The following BTBD8 variants were observed in gnomAD, a reference collection of about 807,000 sequenced individuals.
BTBD8 encodes BTB domain containing 8, also known as BTB/POZ domain-containing protein 8.
In BTBD8, 110 loss-of-function variants were observed where a neutral mutation model predicts 162.9. The observed-to-expected ratio is 0.68, with a 90% CI of 0.58 to 0.79. The LOEUF (loss-of-function observed/expected upper bound fraction) is 0.79, where lower values mean the gene tolerates loss of function less well. BTBD8 is among the 30% of genes least tolerant of loss of function. BTBD8 has a pLI of 0.00. For missense variants in BTBD8, 1,905 were observed against 2,085.4 expected, an observed-to-expected ratio of 0.91 and a Z score of 1.68; for synonymous variants, 667 against 716.1, an observed-to-expected ratio of 0.93 and a Z score of 1.10.
Position 92,129,671 on chromosome 1 carries a change from C to T in BTBD8, c.663-16C>T, listed in dbSNP as rs539315575. 64 of 1,594,010 alleles carry T rather than the reference C, an allele frequency of 4.0e-5. No individual in the cohort carries two copies. The South Asian group carries it at 6.6e-4, about 16-fold the overall frequency. On this transcript the variant is annotated splice_polypyrimidine_tract_variant and intron_variant, in intron 4 of 17. Coordinates refer to ENST00000636805, the MANE Select transcript of BTBD8 (RefSeq NM_001376131.1). ...TGTAAATGTTTACCTGTGTTTCTCC[C>T]CCCTCTTCCCTTTAGGGCCATTTTG... is the stretch of plus-strand genomic sequence containing the variant.
intron 1 of BTBD8, among the ~76,000 whole-genome samples, chr1:92,081,692 A>G (rs1272771209): frequency 3.9e-5 from 6 of 152,070 alleles, no homozygotes; most frequent in Non-Finnish European, 4.4e-5. Context: ...TCCTGCCTCA[A>G]CCTCCCGAGT....
intron 13 of BTBD8, 77 bp from the exon 14 acceptor site, chr1:92,176,752 C>T (rs1041575500): frequency 2.3e-5 from 16 of 703,400 alleles, no homozygotes; most frequent in Non-Finnish European, 3.4e-5. Flanking sequence ...CTTTGAAAGA[C>T]TGGCTTTTGG....
At chr1:92,161,824 TG>T (rs1213614951) in intron 9 of BTBD8, among the ~76,000 whole-genome samples, 1 of 152,252 alleles carries the variant, frequency 6.6e-6, no homozygotes, top group Non-Finnish European at 1.5e-5. Flanking sequence ...AATAAAAAGA[TG>T]TTTTTTGTTT....
rs920084696 is a variant in BTBD8, at chr1:92,129,756, A to T, written c.732A>T (p.Gln244His). Residue 244 changes from glutamine (Q) to histidine (H), a missense_variant, in exon 5 of 18, where the codon CAA becomes CAT. Coordinates refer to ENST00000636805, the MANE Select transcript of BTBD8 (RefSeq NM_001376131.1). The part of the protein sequence containing the change: ...MLSGCWAESS[Q>H]EYVTLQGISH... ...GTGGCTGTTGGGCTGAAAGCTCCCA[A>T]GAGTACGTTACTCTTCAAGGGTAAG... 6.2e-7 allele frequency: 1 copy of T among 1,613,836 alleles called. No individual in the cohort carries two copies. Among genetic ancestry groups the T allele is most frequent in the Non-Finnish European group, 8.5e-7 (1 of 1,179,838 alleles).
rs1462209977 is a variant in BTBD8 at position 92,180,711 on chromosome 1, C to T, written c.3028C>T (p.Pro1010Ser). The change falls in exon 17 of 18, where the codon CCT becomes TCT. Residue 1010 changes from proline (P) to serine (S), a missense_variant. By Grantham distance (74) the Pro-to-Ser change is moderately conservative. Transcript: ENST00000636805. ...DAEALQSSCR[P>S]DPQKPLNDQE... is the part of the protein sequence containing the mutation. Reference sequence around the variant, plus strand: ...AGAAGCACTCCAGTCATCCTGCAGGCCTGACCCACAAAAGCCATTAAACGA... The same window carrying T: ...AGAAGCACTCCAGTCATCCTGCAGGTCTGACCCACAAAAGCCATTAAACGA... The T allele has an allele frequency of 1.3e-6, 2 of 1,551,482 alleles. No homozygotes were observed. The highest frequency in any genetic ancestry group is 1.7e-6 in the Non-Finnish European group (2 of 1,146,962).
intron 13 of BTBD8, 90 bp downstream of exon 13, chr1:92,171,550 A>G: frequency 3.6e-6 from 3 of 824,988 alleles, no homozygotes; most frequent in Non-Finnish European, 5.2e-6. Flanking sequence ...AGTTTTAAAA[A>G]TCTATTCATT....
chr1:92,110,378 A>G (rs746307223), intron 4 of BTBD8, among the ~76,000 whole-genome samples: 2 of 152,244 alleles, frequency 1.3e-5, no homozygotes, highest in Non-Finnish European at 1.5e-5. Context: ...GATGGGGATT[A>G]TAACAGTCTC....
intron 13 of BTBD8, among the ~76,000 whole-genome samples, chr1:92,173,718 A>G (rs886829190): frequency 2.0e-5 from 3 of 152,216 alleles, no homozygotes; most frequent in South Asian, 2.1e-4. Flanking sequence ...TGCATTTATT[A>G]TGTGTCATCT....
At chr1:92,150,934 T>C (rs1468482323) in intron 9 of BTBD8, 1 of 152,110 alleles carries the variant, frequency 6.6e-6, no homozygotes, top group Non-Finnish European at 1.5e-5. Context: ...TATGTATATA[T>C]AAATACCTCC....
At position 92,107,962 on chromosome 1, in the gene BTBD8, T is replaced by G. The variant is rs753875792; in HGVS notation, c.623T>G (p.Ile208Ser). The change falls in exon 4 of 18, where the codon ATT (isoleucine) becomes AGT (serine). Residue 208 changes from isoleucine to serine, a missense_variant. By Grantham distance (142) the Ile-to-Ser change is moderately radical (BLOSUM62 -2). Coordinates refer to ENST00000636805, the MANE Select transcript of BTBD8 (RefSeq NM_001376131.1). ...KLYVKPCCPD[I>S]DIFVDGKRFK... Reference sequence around the variant, plus strand: ...TATGTGAAACCTTGTTGCCCAGATATTGATATTTTTGTTGATGGAAAACGT... The same window carrying G: ...TATGTGAAACCTTGTTGCCCAGATAGTGATATTTTTGTTGATGGAAAACGT... 1 of 1,614,094 alleles carries G rather than the reference T, an allele frequency of 6.2e-7. No individual in the cohort carries two copies. Among genetic ancestry groups the G allele is most frequent in the Non-Finnish European group, 8.5e-7 (1 of 1,179,962 alleles).
intron 9 of BTBD8, among the ~76,000 whole-genome samples, chr1:92,164,975 G>T (rs1466444047): frequency 2.0e-5 from 3 of 151,786 alleles, no homozygotes; most frequent in Non-Finnish European, 4.4e-5. Flanking sequence ...AAAAAAATTA[G>T]CTGGGTGTGG....
chr1:92,172,057 C>T (rs1276872562), intron 13 of BTBD8, among the ~76,000 whole-genome samples: 5 of 152,160 alleles, frequency 3.3e-5, no homozygotes, highest in African/African-American at 1.2e-4. Flanking sequence ...CACCATTGCA[C>T]TCCAGCCTGG....
chr1:92,120,540 TG>T (rs1379929729), intron 4 of BTBD8, among the ~76,000 whole-genome samples: 1 of 152,238 alleles, frequency 6.6e-6, no homozygotes, highest in Non-Finnish European at 1.5e-5. Flanking sequence ...TTATCAAGTA[TG>T]TACTGTACAT....
chr1:92,080,808 C>A, intron 1 of BTBD8, 88 bp downstream of exon 1: 1 of 1,522,880 alleles, frequency 6.6e-7, no homozygotes, highest in Middle Eastern at 1.8e-4. Flanking sequence ...CTCTGCCTCC[C>A]CCTCCCTCAG....
At chr1:92,127,365 A>G (rs1455913587) in intron 4 of BTBD8, among the ~76,000 whole-genome samples, 1 of 152,210 alleles carries the variant, frequency 6.6e-6, no homozygotes, top group Non-Finnish European at 1.5e-5. Flanking sequence ...AGTTGACTCT[A>G]GTATGATCTC....
chr1:92,175,712 T>C (rs1304538537), intron 13 of BTBD8, among the ~76,000 whole-genome samples: 3 of 151,700 alleles, frequency 2.0e-5, no homozygotes, highest in African/African-American at 7.3e-5. Flanking sequence ...AGGAGATTGC[T>C]TGAACCCAGG....
intron 12 of BTBD8, among the ~76,000 whole-genome samples, chr1:92,169,569 G>T (rs1650479620): frequency 6.6e-6 from 1 of 151,632 alleles, no homozygotes; most frequent in South Asian, 2.1e-4. Flanking sequence ...CTCAGAACAT[G>T]TGTTTAAAAA....
chr1:92,107,552 A>G (rs1648767192), intron 3 of BTBD8, among the ~76,000 whole-genome samples: 1 of 152,188 alleles, frequency 6.6e-6, no homozygotes, highest in African/African-American at 2.4e-5. Context: ...GTAATAGGCT[A>G]TATCATCTAG....
intron 2 of BTBD8, among the ~76,000 whole-genome samples, chr1:92,091,295 G>T (rs931826763): frequency 1.3e-5 from 2 of 152,042 alleles, no homozygotes; most frequent in Non-Finnish European, 2.9e-5. Flanking sequence ...TTCGCCTTCT[G>T]CCTTGATTGT....
Sources: allele counts gnomAD v4.1 joint callset (sites outside exome capture counted in the v4.1 genomes callset), GRCh38; gene constraint gnomAD v4.1.1; transcripts MANE v1.5; gene names NCBI Gene and HGNC (gene_info 2026-07-23, HGNC 2026-07-21).